Variants in KIAA0825 observed in about 807,000 individuals in gnomAD.
The protein encoded by KIAA0825 is KIAA0825, also known as uncharacterized protein KIAA0825.
A neutral mutation model predicts 147.6 loss-of-function variants in KIAA0825; 119 were observed. The observed-to-expected ratio is 0.81, with a 90% CI of 0.69 to 0.94. KIAA0825 has a LOEUF of 0.94. Ranked by LOEUF, KIAA0825 falls within the 40% of genes least tolerant of loss-of-function variation. KIAA0825 has a pLI of 0.00. For synonymous variants in KIAA0825, 470 were observed against 518.1 expected, an observed-to-expected ratio of 0.91 and a Z score of 1.26; for missense variants, 1,381 against 1,472.7, an observed-to-expected ratio of 0.94 and a Z score of 1.02.
chr5:94,546,679 A>G (rs1305865587), intron 2 of KIAA0825, among the ~76,000 whole-genome samples: 1 of 151,702 alleles, frequency 6.6e-6, no homozygotes, highest in Non-Finnish European at 1.5e-5. Flanking sequence ...GTAACTGGGC[A>G]TGGGGCCCAA....
chr5:94,370,064 C>T (rs895073454), intron 20 of KIAA0825, among the ~76,000 whole-genome samples: 1 of 152,006 alleles, frequency 6.6e-6, no homozygotes, highest in African/African-American at 2.4e-5. Flanking sequence ...GCTTTATTCA[C>T]AATCACTTAA....
intron 20 of KIAA0825, among the ~76,000 whole-genome samples, chr5:94,383,857 A>G (rs1480231892): frequency 6.6e-6 from 1 of 151,506 alleles, no homozygotes; most frequent in South Asian, 2.1e-4. Context: ...TACTGTGGCT[A>G]TATTAAGACA....
At chr5:94,466,504 C>A (rs1168775330) in intron 10 of KIAA0825, among the ~76,000 whole-genome samples, 1 of 151,824 alleles carries the variant, frequency 6.6e-6, no homozygotes, top group Non-Finnish European at 1.5e-5. Flanking sequence ...CGGATCACGA[C>A]GTCAGGAGAT....
chr5:94,421,151 G>C (rs947171342), intron 14 of KIAA0825, among the ~76,000 whole-genome samples: 2 of 152,124 alleles, frequency 1.3e-5, no homozygotes, highest in Admixed American at 6.6e-5. Flanking sequence ...CAAGCCATTT[G>C]GTCTGTGTCT....
chr5:94,192,921 G>C (rs1039504496), intron 20 of KIAA0825, among the ~76,000 whole-genome samples: 1 of 152,114 alleles, frequency 6.6e-6, no homozygotes, highest in African/African-American at 2.4e-5. Flanking sequence ...TTTCTAGAAC[G>C]CAGTTCCCTT....
rs182306964 is a variant in KIAA0825, at chr5:94,185,581, C to T, written c.3711-31457G>A. 6.2e-4 allele frequency among the ~76,000 whole-genome samples: 95 copies of T among 152,258 alleles called. 1 individual carries two copies. The highest frequency in any genetic ancestry group is 2.2e-3 in the African/African-American group (93 of 41,530). On this transcript the variant is annotated intron_variant, in intron 20 of 20. Coordinates refer to ENST00000682413, the MANE Select transcript of KIAA0825 (RefSeq NM_001145678.3). ...TAAGACCCTGGAAGAATTACCCCTGCACTCTGGTCTTATTTCAGCAATTGT... is the reference window on the plus strand; with the variant it reads ...TAAGACCCTGGAAGAATTACCCCTGTACTCTGGTCTTATTTCAGCAATTGT...
intron 20 of KIAA0825, among the ~76,000 whole-genome samples, chr5:94,374,138 C>G (rs1051119856): frequency 1.3e-5 from 2 of 152,098 alleles, no homozygotes; most frequent in African/African-American, 4.8e-5. Context: ...GTTTTTGATC[C>G]AGTGCAAGAA....
chr5:94,395,013 G>C (rs1166841119), intron 17 of KIAA0825, among the ~76,000 whole-genome samples: 1 of 152,152 alleles, frequency 6.6e-6, no homozygotes, highest in Non-Finnish European at 1.5e-5. Context: ...ATACTAACCA[G>C]TGAATGCAAT....
rs140337363 is a variant in KIAA0825, at chr5:94,408,676, A to G, written c.2663-4883T>C. 3.8e-3 allele frequency among the ~76,000 whole-genome samples: 585 copies of G among 152,236 alleles called. 5 individuals carry two copies. The highest frequency in any genetic ancestry group is 0.02 in the Middle Eastern group (6 of 294). On this transcript the variant is annotated intron_variant, in intron 15 of 20. Transcript: ENST00000682413. Reference sequence around the variant, plus strand: ...GCATGAGCCACCACGCCTGGCCCAGAGTGAATCTTGTGGTGGGAAAGAACT... The same window carrying G: ...GCATGAGCCACCACGCCTGGCCCAGGGTGAATCTTGTGGTGGGAAAGAACT...
At chr5:94,565,234 C>T (rs897796496) in intron 2 of KIAA0825, among the ~76,000 whole-genome samples, 1 of 150,532 alleles carries the variant, frequency 6.6e-6, no homozygotes, top group Non-Finnish European at 1.5e-5. Context: ...TGCCTGGTCT[C>T]TCCCTGTTTT....
intron 5 of KIAA0825, among the ~76,000 whole-genome samples, chr5:94,505,099 C>T (rs1399643378): frequency 1.3e-5 from 2 of 151,906 alleles, no homozygotes; most frequent in African/African-American, 4.8e-5. Flanking sequence ...GAGGCTCACA[C>T]CTGTAATCCC....
At chr5:94,317,545 A>G (rs577195419) in intron 20 of KIAA0825, among the ~76,000 whole-genome samples, 12 of 151,840 alleles carry the variant, frequency 7.9e-5, no homozygotes, top group African/African-American at 1.2e-4. Flanking sequence ...CTATAACTTA[A>G]AGACAATTTA....
intron 20 of KIAA0825, among the ~76,000 whole-genome samples, chr5:94,214,271 C>G (rs1340191700): frequency 6.6e-6 from 1 of 152,078 alleles, no homozygotes; most frequent in East Asian, 1.9e-4. Context: ...AAGAGGATCT[C>G]TATAAAGATC....
chr5:94,389,137 C>A (rs1749566507), intron 18 of KIAA0825, among the ~76,000 whole-genome samples: 1 of 152,178 alleles, frequency 6.6e-6, no homozygotes, highest in Non-Finnish European at 1.5e-5. Flanking sequence ...CTGTGAGGAA[C>A]CTCTAAGCCC....
At chr5:94,432,266 A>C (rs1212037380) in intron 14 of KIAA0825, among the ~76,000 whole-genome samples, 6 of 152,158 alleles carry the variant, frequency 3.9e-5, no homozygotes, top group Non-Finnish European at 8.8e-5. Context: ...AGAGAAACAC[A>C]TAATCCATAA....
At chr5:94,594,693 C>G in intron 1 of KIAA0825, 2 of 634,188 alleles carry the variant, frequency 3.2e-6, no homozygotes, top group Non-Finnish European at 5.9e-6. Context: ...TCATATAATT[C>G]AGATTCCTTG....
chr5:94,192,634 T>A (rs1770775055), intron 20 of KIAA0825, among the ~76,000 whole-genome samples: 1 of 152,186 alleles, frequency 6.6e-6, no homozygotes, highest in South Asian at 2.1e-4. Context: ...TAACTACCCT[T>A]ACCTGCGCCA....
At position 94,233,269 on chromosome 5, in the gene KIAA0825, A is replaced by G. The variant is rs550453805; in HGVS notation, c.3711-79145T>C. ...TCTAACTAGCATGTACTATAACTCA[A>G]ATTGACATGATTCCTAAAGAGAAGC... On this transcript the variant is annotated intron_variant, in intron 20 of 20. Coordinates refer to ENST00000682413, the MANE Select transcript of KIAA0825 (RefSeq NM_001145678.3). Among the ~76,000 whole-genome samples the G allele has an allele frequency of 2.1e-4, 32 of 152,336 alleles. 1 individual carries two copies. In the South Asian group the frequency reaches 6.4e-3, roughly 31 times the overall value.
intron 20 of KIAA0825, among the ~76,000 whole-genome samples, chr5:94,222,491 G>A (rs1773754522): frequency 6.6e-6 from 1 of 152,076 alleles, no homozygotes; most frequent in Admixed American, 6.6e-5. Context: ...TTTTCTTGAT[G>A]GTGGCAGAAG....
Sources: gnomAD v4.1 joint callset for allele counts (sites outside exome capture counted in the v4.1 genomes callset) on GRCh38, gnomAD v4.1.1 for gene constraint, MANE v1.5 for transcripts, NCBI Gene and HGNC (gene_info 2026-07-23, HGNC 2026-07-21) for gene names.